The following NMU variants were observed in gnomAD, a reference collection of about 807,000 sequenced individuals.
NMU encodes neuromedin-U.
In NMU, 29 loss-of-function variants were observed where a neutral mutation model predicts 35.4. The ratio of observed to expected loss-of-function variants is 0.82; its 90% CI spans 0.61 to 1.12. NMU has a LOEUF of 1.12. Ranked by LOEUF, NMU falls within the 50% of genes most tolerant of loss-of-function variation. NMU has a pLI of 0.00. For synonymous variants in NMU, 78 were observed against 81.3 expected, an observed-to-expected ratio of 0.96 and a Z score of 0.22; for missense variants, 199 against 206.2, an observed-to-expected ratio of 0.97 and a Z score of 0.21.
chr4:55,629,567 G>A lies in NMU; in HGVS notation c.171+835C>T, dbSNP rs913107852. On this transcript the variant is annotated intron_variant, in intron 2 of 9. Transcript: ENST00000264218. ...CCGGGAGGCGGAGGTTGCAGTGAGC[G>A]GAGATAGAGCCACTGCACTCCAGCA... 9.0e-5 allele frequency among the ~76,000 whole-genome samples: 13 copies of A among 144,892 alleles called. No homozygotes were observed. In the East Asian group the frequency reaches 1.2e-3, roughly 14 times the overall value.
chr4:55,617,072 T>C (rs1734135763), intron 2 of NMU, among the ~76,000 whole-genome samples: 1 of 152,212 alleles, frequency 6.6e-6, no homozygotes. Context: ...ATGACATTTA[T>C]TTCTTTGATG....
chr4:55,607,388 T>C, intron 5 of NMU, 40 bp from the exon 6 acceptor site: 1 of 1,380,278 alleles, frequency 7.2e-7, no homozygotes, highest in Non-Finnish European at 1.0e-6. Flanking sequence ...TAAAAATTAA[T>C]GGTTCCCTTA....
chr4:55,595,563 TACAC>T (rs1553908987), intron 9 of NMU, among the ~76,000 whole-genome samples, 152 bp from the exon 10 acceptor site: 2 of 120,054 alleles, frequency 1.7e-5, no homozygotes, highest in Non-Finnish European at 3.3e-5. Flanking sequence ...TATATATATA[TACAC>T]ACACACACAC....
At chr4:55,635,234 T>A (rs950688979) in intron 1 of NMU, among the ~76,000 whole-genome samples, 1 of 152,210 alleles carries the variant, frequency 6.6e-6, no homozygotes, top group Non-Finnish European at 1.5e-5. Context: ...ACGTAAGCTG[T>A]AACCCTTAGA....
At chr4:55,624,140 A>G (rs1473997717) in intron 2 of NMU, among the ~76,000 whole-genome samples, 2 of 150,572 alleles carry the variant, frequency 1.3e-5, no homozygotes, top group Non-Finnish European at 2.9e-5. Context: ...ACCAAAAGCA[A>G]TGGCAACAAA....
At chr4:55,599,250 T>C in intron 8 of NMU, 69 bp from the exon 9 acceptor site, 1 of 1,282,920 alleles carries the variant, frequency 7.8e-7, no homozygotes, top group South Asian at 1.2e-5. Flanking sequence ...TAGAAACAGA[T>C]TGATGATTTA....
intron 1 of NMU, among the ~76,000 whole-genome samples, chr4:55,631,019 A>C (rs1398726339): frequency 6.6e-6 from 1 of 152,200 alleles, no homozygotes; most frequent in Non-Finnish European, 1.5e-5. Flanking sequence ...ACAAAGAAAG[A>C]AAGCCAAATA....
chr4:55,626,973 G>A (rs1043454859), intron 2 of NMU, among the ~76,000 whole-genome samples: 5 of 152,154 alleles, frequency 3.3e-5, no homozygotes, highest in Non-Finnish European at 5.9e-5. Context: ...TAGGGGTGAG[G>A]TGGCAAAGGC....
chr4:55,627,568 T>C (rs1734583938), intron 2 of NMU, among the ~76,000 whole-genome samples: 1 of 152,132 alleles, frequency 6.6e-6, no homozygotes, highest in Non-Finnish European at 1.5e-5. Flanking sequence ...TAGAAATTAG[T>C]TTTCTACTCC....
Position 55,636,071 on chromosome 4 carries a change from G to A in NMU, c.112+10C>T, listed in dbSNP as rs971580668. 6.5e-7 allele frequency: 1 copy of A among 1,531,176 alleles called. No homozygotes were observed. The highest frequency in any genetic ancestry group is 8.7e-7 in the Non-Finnish European group (1 of 1,145,342). The allele number at this position is 1,531,176 out of a possible 1,614,324, so 94.8% of individuals were successfully genotyped here. A position where few individuals can be genotyped will look rare whatever the true frequency, so the allele number is the denominator to read the frequency against. ...TGGCGTGGAAGCGGCCGGGTGCGGG[G>A]CCGTCTTACCTCGGCAGGCGCCCGC... is the stretch of plus-strand genomic sequence containing the variant. On this transcript the variant is annotated intron_variant, in intron 1 of 9. Coordinates refer to ENST00000264218, the MANE Select transcript of NMU (RefSeq NM_006681.4). The surrounding 1 kb of genome is among the most constrained non-coding windows in gnomAD (Gnocchi z 4.0).
At chr4:55,599,897 T>C (rs975338741) in intron 8 of NMU, among the ~76,000 whole-genome samples, 1 of 152,212 alleles carries the variant, frequency 6.6e-6, no homozygotes, top group Non-Finnish European at 1.5e-5. Context: ...GAATCCTATC[T>C]GTCTTTATAG....
intron 2 of NMU, among the ~76,000 whole-genome samples, chr4:55,630,023 T>G (rs1228027044): frequency 8.2e-6 from 1 of 122,430 alleles, no homozygotes; most frequent in African/African-American, 3.1e-5. Context: ...TGCTATATCA[T>G]TTTCCATCCT....
At position 55,630,539 on chromosome 4, in the gene NMU, G is replaced by A. The variant is rs113371455; in HGVS notation, c.113-79C>T. On this transcript the variant is annotated intron_variant, in intron 1 of 9. Coordinates refer to ENST00000264218, the MANE Select transcript of NMU (RefSeq NM_006681.4). ...AAATATCCATATATAATTCTTTCTC[G>A]CACACTTTCTTCATTTTTCACTGTA... 231 of 1,119,632 alleles carry A rather than the reference G, an allele frequency of 2.1e-4. 1 individual carries two copies. Among genetic ancestry groups the A allele is most frequent in the African/African-American group, 1.3e-3 (84 of 64,666 alleles). 69.4% of individuals were successfully genotyped at this position (1,119,632 alleles called of 1,614,324 possible). A position where few individuals can be genotyped will look rare whatever the true frequency, so the allele number is the denominator to read the frequency against.
intron 2 of NMU, among the ~76,000 whole-genome samples, chr4:55,616,592 G>T (rs1359232063): frequency 6.6e-6 from 1 of 152,124 alleles, no homozygotes; most frequent in East Asian, 1.9e-4. Flanking sequence ...TGACCGCAGG[G>T]TATACGTCTC....
intron 1 of NMU, among the ~76,000 whole-genome samples, chr4:55,635,357 A>G (rs1715853403): frequency 6.6e-6 from 1 of 152,218 alleles, no homozygotes. Context: ...CCTCTAAGCC[A>G]AGCTCAGCAT....
At chr4:55,601,625 T>C (rs542917176) in intron 7 of NMU, among the ~76,000 whole-genome samples, 1 of 151,950 alleles carries the variant, frequency 6.6e-6, no homozygotes, top group East Asian at 1.9e-4. Context: ...AAATAAAAAA[T>C]AAAAGTTTAA....
chr4:55,603,939 ATATATATG>A (rs1435445224), intron 7 of NMU, among the ~76,000 whole-genome samples: 6 of 63,840 alleles, frequency 9.4e-5, no homozygotes, highest in Non-Finnish European at 1.5e-4. Context: ...ATATATATAT[ATATATATG>A]TATATATGTG....
chr4:55,619,205 C>T (rs980809982), intron 2 of NMU, among the ~76,000 whole-genome samples: 2 of 151,522 alleles, frequency 1.3e-5, no homozygotes, highest in African/African-American at 4.8e-5. Context: ...CAGCTCCCAG[C>T]GTGAGCGACG....
At chr4:55,635,259 A>G (rs987706498) in intron 1 of NMU, among the ~76,000 whole-genome samples, 1 of 152,094 alleles carries the variant, frequency 6.6e-6, no homozygotes, top group African/African-American at 2.4e-5. Flanking sequence ...CCAGAAAATG[A>G]TATCTCCCCT....
Sources: allele counts gnomAD v4.1 joint callset (sites outside exome capture counted in the v4.1 genomes callset), GRCh38; gene constraint gnomAD v4.1.1; non-coding constraint Gnocchi (gnomAD v3.1); transcripts MANE v1.5; gene names NCBI Gene and HGNC (gene_info 2026-07-23, HGNC 2026-07-21).